ZFHX3: variants seen among roughly 807,000 people sequenced by gnomAD.
The protein encoded by ZFHX3 is zinc finger homeobox 3.
Under a neutral mutation model 279.1 loss-of-function variants are expected in ZFHX3, and 42 were observed. The ratio of observed to expected loss-of-function variants is 0.15; its 90% CI spans 0.12 to 0.19. ZFHX3 has a LOEUF of 0.19. ZFHX3 is among the 10% of genes least tolerant of loss of function. The pLI is 1.00. For synonymous variants in ZFHX3, 2,293 were observed against 1,957.8 expected (o/e 1.17, Z -4.52); for missense variants, 4,981 against 4,754.0 (o/e 1.05, Z -1.40).
At position 73,363,188 on chromosome 16, in the gene ZFHX3, C is replaced by T. The variant is rs560184620; in HGVS notation, c.-1290-44852G>A. ...CTACCATTTCACAAATGAGCCCAGC[C>T]GTGATTGACTGAGCCTGGCTCAGGG... is the stretch of plus-strand genomic sequence containing the variant. On this transcript the variant is annotated intron_variant, in intron 3 of 17. Transcript: ENST00000641206. Among the ~76,000 whole-genome samples, 11 of 152,278 alleles carry T rather than the reference C, an allele frequency of 7.2e-5. No homozygotes were observed. The East Asian group carries it at 9.6e-4, about 13-fold the overall frequency.
At chr16:73,571,186 T>C (rs2051730696) in intron 2 of ZFHX3, among the ~76,000 whole-genome samples, 2 of 152,026 alleles carry the variant, frequency 1.3e-5, no homozygotes, top group Admixed American at 6.6e-5. Flanking sequence ...GGGGAACAAT[T>C]AAGAAATTGT....
chr16:73,490,456 G>A (rs1398632794), intron 2 of ZFHX3, among the ~76,000 whole-genome samples: 1 of 152,184 alleles, frequency 6.6e-6, no homozygotes, highest in Non-Finnish European at 1.5e-5. Context: ...AGGTGGACCT[G>A]ATACGTCTGA....
intron 2 of ZFHX3, among the ~76,000 whole-genome samples, chr16:73,647,231 C>A (rs187061314): frequency 1.3e-5 from 2 of 152,196 alleles, no homozygotes; most frequent in East Asian, 3.9e-4. Flanking sequence ...CCAGGATGGT[C>A]TCAATCTCCT....
chr16:73,385,585 C>T (rs556103799), intron 3 of ZFHX3, among the ~76,000 whole-genome samples: 77 of 152,292 alleles, frequency 5.1e-4, no homozygotes, highest in South Asian at 1.9e-3. Flanking sequence ...AACTGAGCAA[C>T]GTGTTAGGTT....
chr16:72,898,134 T>C (rs574442544), intron 3 of ZFHX3, among the ~76,000 whole-genome samples: 5 of 152,296 alleles, frequency 3.3e-5, no homozygotes, highest in African/African-American at 9.6e-5. Flanking sequence ...CCTAAATATA[T>C]ATGTATATTC....
At chr16:73,461,661 G>C (rs1403476063) in intron 2 of ZFHX3, among the ~76,000 whole-genome samples, 1 of 152,166 alleles carries the variant, frequency 6.6e-6, no homozygotes, top group East Asian at 1.9e-4. Context: ...CCACTGAACT[G>C]CTTTTATACC....
chr16:73,009,011 A>C (rs1440414416), intron 1 of ZFHX3, among the ~76,000 whole-genome samples: 1 of 152,114 alleles, frequency 6.6e-6, no homozygotes, highest in Non-Finnish European at 1.5e-5. Context: ...AATGTCAGGA[A>C]CATGAAGCTG....
At chr16:72,908,958 T>C (rs2039252897) in intron 3 of ZFHX3, among the ~76,000 whole-genome samples, 1 of 152,218 alleles carries the variant, frequency 6.6e-6, no homozygotes, top group African/African-American at 2.4e-5. Flanking sequence ...GTCCTTCCCA[T>C]AGAAACGGCG....
chr16:73,398,373 A>G (rs533018719), intron 3 of ZFHX3, among the ~76,000 whole-genome samples: 2 of 152,360 alleles, frequency 1.3e-5, no homozygotes, highest in African/African-American at 4.8e-5. Context: ...TGTCTAGGAT[A>G]AACAACACAT....
chr16:73,207,890 A>T (rs996684489), intron 5 of ZFHX3, among the ~76,000 whole-genome samples: 12 of 152,170 alleles, frequency 7.9e-5, no homozygotes, highest in African/African-American at 2.9e-4. Context: ...GAAGAAAAAA[A>T]TTGGCAACAG....
chr16:72,861,786 G>A (rs1052889599), intron 4 of ZFHX3, among the ~76,000 whole-genome samples: 59 of 152,190 alleles, frequency 3.9e-4, no homozygotes, highest in African/African-American at 1.3e-3. Flanking sequence ...AGGCAGAGGC[G>A]GGCGGGTCAC....
chr16:73,581,708 T>C (rs1332987010), intron 2 of ZFHX3, among the ~76,000 whole-genome samples: 20 of 145,998 alleles, frequency 1.4e-4, no homozygotes, highest in Non-Finnish European at 2.8e-4. Flanking sequence ...TCTCACTCTG[T>C]TGCCCAGGCT....
intron 7 of ZFHX3, among the ~76,000 whole-genome samples, chr16:73,130,307 G>C (rs368048180): frequency 1.3e-5 from 2 of 151,730 alleles, no homozygotes; most frequent in Non-Finnish European, 2.9e-5. Context: ...GCTGTACTCC[G>C]ACAGTCTCAA....
chr16:73,452,629 G>C (rs1236492888), intron 3 of ZFHX3, among the ~76,000 whole-genome samples: 5 of 152,046 alleles, frequency 3.3e-5, no homozygotes, highest in Non-Finnish European at 7.4e-5. Context: ...GGTGACCCTA[G>C]GAAAACCATT....
chr16:72,918,723 C>A (rs1200830878), intron 3 of ZFHX3, among the ~76,000 whole-genome samples: 4 of 148,066 alleles, frequency 2.7e-5, no homozygotes, highest in African/African-American at 1.0e-4. Context: ...TTAAATGGAG[C>A]CTTGCTCTGT....
At chr16:72,872,541 T>A (rs1567557720) in intron 4 of ZFHX3, among the ~76,000 whole-genome samples, 1 of 152,188 alleles carries the variant, frequency 6.6e-6, no homozygotes, top group African/African-American at 2.4e-5. Flanking sequence ...CACTGCAACC[T>A]CCGTCTCCCG....
intron 1 of ZFHX3, among the ~76,000 whole-genome samples, chr16:73,748,753 G>A (rs1429779228): frequency 6.6e-6 from 1 of 152,054 alleles, no homozygotes; most frequent in Non-Finnish European, 1.5e-5. Context: ...TAGTATAAAT[G>A]GCATGCATAA....
intron 2 of ZFHX3, among the ~76,000 whole-genome samples, chr16:73,574,575 G>A (rs2051780250): frequency 6.6e-6 from 1 of 152,166 alleles, no homozygotes. Flanking sequence ...CGTGCCCAGT[G>A]AAGGTTTGAC....
At chr16:73,148,797 A>G (rs908742951) in intron 5 of ZFHX3, among the ~76,000 whole-genome samples, 1 of 151,310 alleles carries the variant, frequency 6.6e-6, no homozygotes, top group African/African-American at 2.4e-5. Context: ...AAATACAAAA[A>G]TTAGTCAGGT....
Sources: gnomAD v4.1 joint callset for allele counts (sites outside exome capture counted in the v4.1 genomes callset) on GRCh38, gnomAD v4.1.1 for gene constraint, MANE v1.5 for transcripts, NCBI Gene and HGNC (gene_info 2026-07-23, HGNC 2026-07-21) for gene names.